Variants in GLI3 observed in about 807,000 individuals in gnomAD.
GLI3 encodes the protein transcription activator GLI3.
In GLI3, 20 loss-of-function variants were observed where a neutral mutation model predicts 100.8. That is an observed-to-expected ratio of 0.20 (90% CI 0.14 to 0.29). The LOEUF is 0.29. GLI3 is among the 10% of genes least tolerant of loss of function. The probability of loss-of-function intolerance (pLI) is 1.00; values close to 1 mark genes in which losing one functional copy is unlikely to be tolerated. For synonymous variants in GLI3, 938 were observed against 860.5 expected, an observed-to-expected ratio of 1.09 and a Z score of -1.58; for missense variants, 2,040 against 2,128.5, an observed-to-expected ratio of 0.96 and a Z score of 0.82.
At chr7:42,198,091 A>AT (rs959430889) in intron 2 of GLI3, among the ~76,000 whole-genome samples, 1 of 152,138 alleles carries the variant, frequency 6.6e-6, no homozygotes, top group African/African-American at 2.4e-5. Context: ...GCTTAAGGTC[A>AT]TTTTTATACC....
At chr7:42,034,923 TG>T (rs1398950206) in intron 7 of GLI3, among the ~76,000 whole-genome samples, 1 of 152,140 alleles carries the variant, frequency 6.6e-6, no homozygotes, top group East Asian at 1.9e-4. Context: ...CTCAGGCATT[TG>T]TGTAGCCCCC....
intron 10 of GLI3, among the ~76,000 whole-genome samples, chr7:41,988,264 C>A (rs139313816): frequency 0.035 from 5,274 of 152,166 alleles, 132 homozygotes; most frequent in Middle Eastern, 0.071. Flanking sequence ...GAGTTTGAGA[C>A]CAGCCTGGCC....
At position 42,025,298 on chromosome 7, in the gene GLI3, T is replaced by G. The variant is rs774086935; in HGVS notation, c.1322A>C (p.Glu441Ala). The change falls in exon 9 of 15, where the codon GAA (glutamate) becomes GCA (alanine). Residue 441 changes from glutamate to alanine, a missense_variant. Around this residue, in one of 5 missense-constraint regions of GLI3, gnomAD observed 603 missense variants for 690.9 expected, o/e 0.87. Coordinates refer to ENST00000395925, the MANE Select transcript of GLI3 (RefSeq NM_000168.6). ...HNKRSKIKPDEDLPSPGARGQ... is the reference protein window; with the variant it reads ...HNKRSKIKPDADLPSPGARGQ... ...CCGAGCCCCTGGGCTGGGGAGGTCT[T>G]CATCGGGTTTGATCTTGGACCTCTT... 5 of 1,614,054 alleles carry G rather than the reference T, an allele frequency of 3.1e-6. No homozygotes were observed. In the South Asian group the frequency reaches 4.4e-5, roughly 14 times the overall value.
intron 2 of GLI3, among the ~76,000 whole-genome samples, chr7:42,170,707 G>T (rs936324738): frequency 1.4e-4 from 22 of 152,068 alleles, no homozygotes; most frequent in African/African-American, 5.3e-4. Context: ...TGGCCTTGCT[G>T]ACTTTTTAAG....
intron 2 of GLI3, among the ~76,000 whole-genome samples, chr7:42,213,458 A>G (rs899152257): frequency 6.6e-6 from 1 of 152,174 alleles, no homozygotes; most frequent in Non-Finnish European, 1.5e-5. Flanking sequence ...ACTGGTGGTG[A>G]AATGTAGTTT....
chr7:42,254,866 G>T (rs964864548), intron 1 of GLI3, among the ~76,000 whole-genome samples: 4 of 150,650 alleles, frequency 2.7e-5, no homozygotes, highest in African/African-American at 9.8e-5. Flanking sequence ...TTGACCTGTA[G>T]TGAGTGATTT....
intron 2 of GLI3, among the ~76,000 whole-genome samples, chr7:42,185,620 C>T (rs1439683241): frequency 1.3e-5 from 2 of 152,166 alleles, no homozygotes; most frequent in Non-Finnish European, 2.9e-5. Context: ...TGGAGCTGCC[C>T]AGATGTGCTA....
chr7:42,172,557 C>T (rs975127960), intron 2 of GLI3: 1 of 703,034 alleles, frequency 1.4e-6, no homozygotes, highest in Admixed American at 2.0e-5. Context: ...TTCTTTGGAG[C>T]TTCCCCCTTT....
Position 42,154,947 on chromosome 7 carries a change from T to A in GLI3, c.125-6479A>T, listed in dbSNP as rs1786965118. Among the ~76,000 whole-genome samples, 3 of 152,168 alleles carry A rather than the reference T, an allele frequency of 2.0e-5. 1 individual carries two copies. The South Asian group carries it at 6.2e-4, about 32-fold the overall frequency. On this transcript the variant is annotated intron_variant, in intron 2 of 14. Coordinates refer to ENST00000395925, the MANE Select transcript of GLI3 (RefSeq NM_000168.6). The stretch of plus-strand genomic sequence containing the variant: ...CGGATGACAGAGGGAGGGGCCCAGA[T>A]GGATCAGGAGAAAGCACTCAGCTTT...
intron 10 of GLI3, among the ~76,000 whole-genome samples, chr7:42,018,245 T>C (rs962733223): frequency 6.6e-6 from 1 of 152,228 alleles, no homozygotes; most frequent in African/African-American, 2.4e-5. Flanking sequence ...TAGTTCTTAG[T>C]CTATATTTTA....
Position 41,965,476 on chromosome 7 carries a change from G to A in GLI3, c.3597C>T (p.Val1199=), listed in dbSNP as rs764106412. 6.2e-6 allele frequency: 10 copies of A among 1,609,256 alleles called. No homozygotes were observed. In the Admixed American group the frequency reaches 1.7e-4, roughly 27 times the overall value. The stretch of plus-strand genomic sequence containing the variant: ...CGCTCCTCAAGGGGTTCTGCGGGTG[G>A]ACGACCATGCCGTTGCAGAACCCAA... ...RAFGFCNGMV[V]HPQNPLRSGP... is the part of the protein sequence containing the mutation. The change falls in exon 15 of 15, where the codon GTC becomes GTT. Residue 1199 remains valine, a synonymous_variant. Transcript: ENST00000395925.
intron 2 of GLI3, among the ~76,000 whole-genome samples, chr7:42,178,700 C>A (rs946580124): frequency 1.3e-5 from 2 of 152,164 alleles, no homozygotes; most frequent in Non-Finnish European, 2.9e-5. Context: ...ACATCCCCAT[C>A]ACTGGAAGAT....
chr7:42,232,099 C>T (rs1206754889), intron 1 of GLI3, among the ~76,000 whole-genome samples: 3 of 152,016 alleles, frequency 2.0e-5, no homozygotes, highest in African/African-American at 4.8e-5. Flanking sequence ...AAATGTACTC[C>T]TGTGCCACCC....
intron 1 of GLI3, among the ~76,000 whole-genome samples, chr7:42,262,223 T>G (rs574089271): frequency 7.4e-6 from 1 of 135,104 alleles, no homozygotes; most frequent in African/African-American, 3.0e-5. Context: ...CTTCCTTCCT[T>G]CTTTCCTTCC....
chr7:42,247,292 G>A (rs986094025), intron 1 of GLI3, among the ~76,000 whole-genome samples: 13 of 152,056 alleles, frequency 8.5e-5, no homozygotes, highest in African/African-American at 2.4e-4. Flanking sequence ...TGCAACCACC[G>A]ATGTCCTTCT....
chr7:42,149,512 T>C (rs1786805117), intron 2 of GLI3, among the ~76,000 whole-genome samples: 1 of 152,224 alleles, frequency 6.6e-6, no homozygotes, highest in South Asian at 2.1e-4. Context: ...TTCATCTCTT[T>C]GAATCATACA....
intron 3 of GLI3, among the ~76,000 whole-genome samples, chr7:42,107,445 G>A (rs911266552): frequency 3.9e-5 from 6 of 152,188 alleles, no homozygotes; most frequent in African/African-American, 1.2e-4. Flanking sequence ...TTCAACTCAG[G>A]CGACTGAGGG....
rs758667297 is a variant in GLI3, at chr7:41,965,748, C to T, written c.3325G>A (p.Glu1109Lys). The change falls in exon 15 of 15, where the codon GAG becomes AAG. Residue 1109 changes from glutamate to lysine, a missense_variant. By Grantham distance (56) the Glu-to-Lys change is moderately conservative. This residue lies in a region of GLI3 where 1,041 missense variants were observed against 924.0 expected (regional missense o/e 1.13). Transcript: ENST00000395925. ...YLNSQNQAGYEQHFPSALPDD... is the reference protein window; with the variant it reads ...YLNSQNQAGYKQHFPSALPDD... ...GGGAGGGCGCTGGGGAAGTGCTGCT[C>T]GTACCCTGCTTGGTTCTGGGAATTT... 24 of 1,613,334 alleles carry T rather than the reference C, an allele frequency of 1.5e-5. No individual in the cohort carries two copies. Among genetic ancestry groups the T allele is most frequent in the East Asian group, 6.7e-5 (3 of 44,812 alleles).
chr7:42,177,907 C>T (rs1013938561), intron 2 of GLI3, among the ~76,000 whole-genome samples: 27 of 152,196 alleles, frequency 1.8e-4, no homozygotes, highest in African/African-American at 4.8e-4. Flanking sequence ...GTATCACTCA[C>T]GACTCCATGA....
Sources: allele counts gnomAD v4.1 joint callset (sites outside exome capture counted in the v4.1 genomes callset), GRCh38; gene constraint gnomAD v4.1.1; regional missense constraint gnomAD v4.1.1; transcripts MANE v1.5; gene names NCBI Gene and HGNC (gene_info 2026-07-23, HGNC 2026-07-21).